The following RASGRF2 variants were observed in gnomAD, a reference collection of about 807,000 sequenced individuals.
RASGRF2 encodes the protein Ras protein specific guanine nucleotide releasing factor 2, also known as ras-specific guanine nucleotide-releasing factor 2.
A neutral mutation model predicts 151.0 loss-of-function variants in RASGRF2; 76 were observed. The ratio of observed to expected loss-of-function variants is 0.50; its 90% CI spans 0.42 to 0.61. The LOEUF (loss-of-function observed/expected upper bound fraction) is 0.61. Ranked by LOEUF, RASGRF2 falls within the 20% of genes least tolerant of loss-of-function variation. The probability of loss-of-function intolerance (pLI) is 0.00; values close to 1 mark genes in which losing one functional copy is unlikely to be tolerated. For missense variants in RASGRF2, 1,148 were observed against 1,564.6 expected, an observed-to-expected ratio of 0.73 and a Z score of 4.49; for synonymous variants, 504 against 566.5, an observed-to-expected ratio of 0.89 and a Z score of 1.57.
chr5:81,201,655 T>G (rs1431000174), intron 19 of RASGRF2, among the ~76,000 whole-genome samples: 1 of 152,174 alleles, frequency 6.6e-6, no homozygotes, highest in Non-Finnish European at 1.5e-5. Context: ...TCGTGTGGAG[T>G]GCAGTTGCTG....
At chr5:81,156,942 C>T (rs1388520293) in intron 17 of RASGRF2, among the ~76,000 whole-genome samples, 1 of 152,016 alleles carries the variant, frequency 6.6e-6, no homozygotes, top group East Asian at 1.9e-4. Flanking sequence ...ACAAAAAGCC[C>T]CTACTCAAAC....
At chr5:80,999,450 C>T (rs1301983570) in intron 1 of RASGRF2, among the ~76,000 whole-genome samples, 2 of 152,210 alleles carry the variant, frequency 1.3e-5, no homozygotes, top group Non-Finnish European at 2.9e-5. Context: ...TCAGGCGATC[C>T]TTCCACTTCA....
At chr5:81,140,746 C>T (rs1261216322) in intron 17 of RASGRF2, among the ~76,000 whole-genome samples, 1 of 152,216 alleles carries the variant, frequency 6.6e-6, no homozygotes, top group Non-Finnish European at 1.5e-5. Context: ...CCCAGGCTCC[C>T]TGCAGGCTGC....
chr5:81,024,398 T>C (rs1749942959), intron 1 of RASGRF2, among the ~76,000 whole-genome samples: 1 of 151,634 alleles, frequency 6.6e-6, no homozygotes, highest in African/African-American at 2.4e-5. Context: ...TAGCTGGGAT[T>C]ACAGCCACCC....
intron 2 of RASGRF2, among the ~76,000 whole-genome samples, chr5:81,047,093 G>A (rs1347367173): frequency 6.6e-6 from 1 of 152,188 alleles, no homozygotes; most frequent in African/African-American, 2.4e-5. Flanking sequence ...AGCTTGGACG[G>A]TGTCACTCTT....
chr5:81,027,593 A>G (rs1455922812), intron 1 of RASGRF2, among the ~76,000 whole-genome samples: 1 of 152,246 alleles, frequency 6.6e-6, no homozygotes, highest in Non-Finnish European at 1.5e-5. Flanking sequence ...CTACATTAAA[A>G]TGTCACATCC....
chr5:81,157,922 A>G (rs1009676106), intron 17 of RASGRF2, among the ~76,000 whole-genome samples: 24 of 152,228 alleles, frequency 1.6e-4, no homozygotes, highest in Non-Finnish European at 3.1e-4. Flanking sequence ...CAGCCAAACC[A>G]TATCAGGCTC....
rs538684790 is a variant in RASGRF2, at chr5:80,969,606, G to A, written c.288+8580G>A. Among the ~76,000 whole-genome samples, 70 of 145,340 alleles carry A rather than the reference G, an allele frequency of 4.8e-4. 1 individual carries two copies. In the East Asian group the frequency reaches 4.9e-3, roughly 10 times the overall value. ...TGGGACTACAGGCACCCGCCACCAC[G>A]CCCGGCTAATTTTTTTTTGTATTTT... On this transcript the variant is annotated intron_variant, in intron 1 of 26. Coordinates refer to ENST00000265080, the MANE Select transcript of RASGRF2 (RefSeq NM_006909.3).
intron 18 of RASGRF2, among the ~76,000 whole-genome samples, chr5:81,188,639 C>T (rs1755087253): frequency 6.6e-6 from 1 of 152,194 alleles, no homozygotes; most frequent in Admixed American, 6.5e-5. Flanking sequence ...TACTTTATAT[C>T]AGACACTGTT....
intron 1 of RASGRF2, among the ~76,000 whole-genome samples, chr5:80,969,602 C>G (rs372036881): frequency 6.6e-6 from 1 of 150,920 alleles, no homozygotes; most frequent in African/African-American, 2.5e-5. Flanking sequence ...GCACCCGCCA[C>G]CACGCCCGGC....
chr5:81,026,093 C>T (rs1320170478), intron 1 of RASGRF2, among the ~76,000 whole-genome samples: 1 of 147,592 alleles, frequency 6.8e-6, no homozygotes, highest in African/African-American at 2.5e-5. Flanking sequence ...TCCTTCCTCC[C>T]TTCCTCTGTT....
chr5:81,132,592 A>G (rs1334978777), intron 17 of RASGRF2, among the ~76,000 whole-genome samples: 1 of 152,194 alleles, frequency 6.6e-6, no homozygotes, highest in East Asian at 1.9e-4. Context: ...CCTCACACTC[A>G]TGATTGGAAA....
intron 1 of RASGRF2, 51 bp downstream of exon 1, chr5:80,961,077 C>G: frequency 4.3e-6 from 6 of 1,400,682 alleles, no homozygotes; most frequent in Non-Finnish European, 5.6e-6. Flanking sequence ...GCCGCACTCC[C>G]TTGCCGTCCT....
intron 22 of RASGRF2, among the ~76,000 whole-genome samples, chr5:81,209,122 C>G (rs1405661960): frequency 6.6e-6 from 1 of 152,072 alleles, no homozygotes; most frequent in Non-Finnish European, 1.5e-5. Flanking sequence ...TGGTGCAAGT[C>G]CTCATCATTA....
chr5:81,212,403 C>T lies in RASGRF2; in HGVS notation c.3194C>T (p.Ala1065Val). Reference protein sequence around the residue: ...NLVASQIMNYADVSSRANAIE... With the variant: ...NLVASQIMNYVDVSSRANAIE... Reference sequence around the variant, plus strand: ...GTGGCCTCCCAGATAATGAACTATGCTGATGTCAGCTCCCGTGCCAACGCC... The same window carrying T: ...GTGGCCTCCCAGATAATGAACTATGTTGATGTCAGCTCCCGTGCCAACGCC... Residue 1065 changes from alanine (A) to valine (V), a missense_variant, in exon 23 of 27, where the codon GCT becomes GTT. Ala to Val is a moderately conservative substitution (Grantham distance 64). Coordinates refer to ENST00000265080, the MANE Select transcript of RASGRF2 (RefSeq NM_006909.3). The T allele has an allele frequency of 1.9e-6, 3 of 1,613,430 alleles. No individual in the cohort carries two copies. The highest frequency in any genetic ancestry group is 2.5e-6 in the Non-Finnish European group (3 of 1,179,552).
chr5:81,182,293 G>A (rs1310608920), intron 18 of RASGRF2, among the ~76,000 whole-genome samples: 2 of 152,174 alleles, frequency 1.3e-5, no homozygotes, highest in African/African-American at 2.4e-5. Flanking sequence ...ATGTGCCCAA[G>A]GAAGTTCTTC....
Position 81,117,157 on chromosome 5 carries a change from G to A in RASGRF2, c.2470+3237G>A, listed in dbSNP as rs1753183616. Among the ~76,000 whole-genome samples the A allele has an allele frequency of 2.0e-5, 3 of 152,282 alleles. No individual in the cohort carries two copies. In the South Asian group the frequency reaches 6.2e-4, roughly 32 times the overall value. On this transcript the variant is annotated intron_variant, in intron 15 of 26. Transcript: ENST00000265080. ...GAAAGCTGCTTGAGCTACTGTCTAG[G>A]ACAAAGTAGAAATCAATAGTTTTTT...
intron 1 of RASGRF2, among the ~76,000 whole-genome samples, chr5:80,969,741 G>T (rs1004294974): frequency 3.6e-4 from 55 of 150,812 alleles, no homozygotes; most frequent in Non-Finnish European, 5.0e-4. Context: ...GTGAGCCACT[G>T]CGCCTGGCTA....
chr5:81,123,195 C>T lies in RASGRF2; in HGVS notation c.2471-447C>T, dbSNP rs770545868. Among the ~76,000 whole-genome samples the T allele has an allele frequency of 1.9e-4, 29 of 152,236 alleles. 1 individual carries two copies. Among genetic ancestry groups the T allele is most frequent in the South Asian group, 8.3e-4 (4 of 4,810 alleles). On this transcript the variant is annotated intron_variant, in intron 15 of 26. Coordinates refer to ENST00000265080, the MANE Select transcript of RASGRF2 (RefSeq NM_006909.3). ...AGATCTCTGGGAGACCCAGAGATCC[C>T]TGGTGAGGGCCACATTATAGAGATT...
Sources: allele counts gnomAD v4.1 joint callset (sites outside exome capture counted in the v4.1 genomes callset), GRCh38; gene constraint gnomAD v4.1.1; transcripts MANE v1.5; gene names NCBI Gene and HGNC (gene_info 2026-07-23, HGNC 2026-07-21).